Variants in WDR36 observed in about 807,000 individuals in gnomAD.
WDR36 encodes the protein WD repeat domain 36, also known as WD repeat-containing protein 36.
A neutral mutation model predicts 112.7 loss-of-function variants in WDR36; 63 were observed. That is an observed-to-expected ratio of 0.56 (90% CI 0.46 to 0.69). The LOEUF is 0.69. WDR36 is among the 30% of genes least tolerant of loss of function. The pLI, the probability that WDR36 is intolerant of heterozygous loss-of-function variation, is 0.00. For missense variants in WDR36, 1,226 were observed against 1,070.3 expected, an observed-to-expected ratio of 1.15 and a Z score of -2.03; for synonymous variants, 410 against 362.2, an observed-to-expected ratio of 1.13 and a Z score of -1.50.
At chr5:111,102,200 A>G in intron 5 of WDR36, 145 bp from the exon 6 acceptor site, 1 of 667,648 alleles carries the variant, frequency 1.5e-6, no homozygotes, top group Admixed American at 2.9e-5. Flanking sequence ...ACCTTGTGAC[A>G]TTAGCTTAAT....
In WDR36 at chr5:111,130,275, A is replaced by G. The variant is rs893290909; in HGVS notation, c.*3392A>G. The G allele has an allele frequency of 2.0e-5, 4 of 198,634 alleles. No homozygotes were observed. The highest frequency in any genetic ancestry group is 4.2e-5 in the Non-Finnish European group (4 of 95,774). The allele number at this position is 198,634 out of a possible 1,614,324, so 12.3% of individuals were successfully genotyped here. On this transcript the variant is annotated 3_prime_UTR_variant, in exon 23 of 23. Coordinates refer to ENST00000513710, the MANE Select transcript of WDR36 (RefSeq NM_139281.3). ...ATGCATATGAAAAGTCGGTCCTTGT[A>G]TTTGAGGGTTTTGCATCCCTCAAAT...
At chr5:111,120,077 G>A (rs1753532735) in intron 17 of WDR36, among the ~76,000 whole-genome samples, 1 of 150,990 alleles carries the variant, frequency 6.6e-6, no homozygotes, top group East Asian at 2.0e-4. Context: ...TACTTAGAGG[G>A]CCATTCTAGA....
At chr5:111,110,043 T>A in intron 12 of WDR36, 146 bp from the exon 13 acceptor site, 2 of 655,854 alleles carry the variant, frequency 3.0e-6, no homozygotes, top group South Asian at 3.4e-5. Context: ...TATAATTACT[T>A]TATGTTAAAA....
At chr5:111,126,016 G>T (rs867977562) in intron 22 of WDR36, among the ~76,000 whole-genome samples, 1 of 152,190 alleles carries the variant, frequency 6.6e-6, no homozygotes, top group East Asian at 1.9e-4. Context: ...TTAAATAACC[G>T]CATGTGGCTA....
At chr5:111,103,762 A>G (rs778250483) in intron 6 of WDR36, 24 bp from the exon 7 acceptor site, 4 of 1,609,900 alleles carry the variant, frequency 2.5e-6, no homozygotes, top group South Asian at 1.1e-5. Flanking sequence ...AAGAAAGTAA[A>G]AGTTTGAATA....
chr5:111,125,658 A>T lies in WDR36; in HGVS notation c.2401A>T (p.Thr801Ser). 6.2e-7 allele frequency: 1 copy of T among 1,613,874 alleles called. No homozygotes were observed. Residue 801 changes from threonine (T) to serine (S), a missense_variant, in exon 22 of 23, where the codon ACA (threonine) becomes TCA (serine). Coordinates refer to ENST00000513710, the MANE Select transcript of WDR36 (RefSeq NM_139281.3). The stretch of plus-strand genomic sequence containing the variant: ...AGAATCAGGCCCATCAGGAATTGAA[A>T]CAGAGCTGCGAAGCTTGTCTCCTGA... Reference protein sequence around the residue: ...LKESGPSGIETELRSLSPDCG... With the variant: ...LKESGPSGIESELRSLSPDCG...
rs1163607942 is a variant in WDR36 at position 111,125,710 on chromosome 5, A to G, written c.2453A>G (p.Gln818Arg). Residue 818 changes from glutamine to arginine, a missense_variant, in exon 22 of 23, where the codon CAG (glutamine) becomes CGG (arginine). Coordinates refer to ENST00000513710, the MANE Select transcript of WDR36 (RefSeq NM_139281.3). ...PDCGGSIEVM[Q>R]SFLKMIGMML... is the part of the protein sequence containing the mutation. ...TGTGGTGGGTCCATAGAAGTTATGCAGAGCTTCTTGAAAATGATTGGGATG... is the reference window on the plus strand; with the variant it reads ...TGTGGTGGGTCCATAGAAGTTATGCGGAGCTTCTTGAAAATGATTGGGATG... 1 of 1,613,988 alleles carries G rather than the reference A, an allele frequency of 6.2e-7. No homozygotes were observed. The highest frequency in any genetic ancestry group is 1.1e-5 in the South Asian group (1 of 91,086).
rs145768538 is a variant in WDR36, at chr5:111,129,519, A to T, written c.*2636A>T. ...TATGTTTATTTTAGAACATATAAAC[A>T]TTTGTTAATTTTCTTTTTCCTCTCA... On this transcript the variant is annotated 3_prime_UTR_variant, in exon 23 of 23. Transcript: ENST00000513710. 3.0e-3 allele frequency: 598 copies of T among 196,906 alleles called. 2 individuals carry two copies. Among genetic ancestry groups the T allele is most frequent in the African/African-American group, 0.013 (558 of 43,488 alleles). The allele number at this position is 196,906 out of a possible 1,614,324, so 12.2% of individuals were successfully genotyped here.
intron 1 of WDR36, among the ~76,000 whole-genome samples, chr5:111,093,398 G>A (rs1233594961): frequency 6.6e-6 from 1 of 152,196 alleles, no homozygotes; most frequent in East Asian, 1.9e-4. Context: ...TGGAAAACAG[G>A]TAGAGTTGTC....
chr5:111,121,789 T>C (rs1047264102), intron 19 of WDR36, among the ~76,000 whole-genome samples: 2 of 152,154 alleles, frequency 1.3e-5, no homozygotes, highest in African/African-American at 2.4e-5. Context: ...CACTAGTGAG[T>C]AGCAAAAACT....
At chr5:111,113,247 T>C in intron 16 of WDR36, 94 bp downstream of exon 16, 1 of 680,640 alleles carries the variant, frequency 1.5e-6, no homozygotes, top group Non-Finnish European at 2.5e-6. Context: ...GGTTATATGC[T>C]TTTTCAATGT....
Position 111,098,087 on chromosome 5 carries a change from C to G in WDR36, c.292-635C>G, listed in dbSNP as rs185520775. Among the ~76,000 whole-genome samples the G allele has an allele frequency of 2.4e-4, 37 of 152,108 alleles. 1 individual carries two copies. In the East Asian group the frequency reaches 6.6e-3, roughly 27 times the overall value. Reference sequence around the variant, plus strand: ...AAGGACCTTTATGCACAGGTGTGGTCAGGGTTAGGGGAACAAAATAGGGGT... The same window carrying G: ...AAGGACCTTTATGCACAGGTGTGGTGAGGGTTAGGGGAACAAAATAGGGGT... On this transcript the variant is annotated intron_variant, in intron 3 of 22. Coordinates refer to ENST00000513710, the MANE Select transcript of WDR36 (RefSeq NM_139281.3).
At position 111,120,480 on chromosome 5, in the gene WDR36, T is replaced by C. The variant is rs761273444; in HGVS notation, c.1905-16T>C. The C allele has an allele frequency of 2.2e-5, 35 of 1,587,770 alleles. No homozygotes were observed. In the East Asian group the frequency reaches 7.6e-4, roughly 35 times the overall value. On this transcript the variant is annotated splice_polypyrimidine_tract_variant and intron_variant, in intron 17 of 22. Coordinates refer to ENST00000513710, the MANE Select transcript of WDR36 (RefSeq NM_139281.3). ...TTTATAATTTTTAAAATATTGCTTA[T>C]GTTTTGATTTTTCAGGTCCAATATT... is the stretch of plus-strand genomic sequence containing the variant.
rs757191474 is a variant in WDR36 at position 111,123,932 on chromosome 5, AC to A, written c.2268+9del. 6.8e-5 allele frequency: 110 copies of A among 1,613,316 alleles called. No individual in the cohort carries two copies. The highest frequency in any genetic ancestry group is 9.2e-5 in the Non-Finnish European group (108 of 1,179,894). On this transcript the variant is annotated intron_variant, in intron 20 of 22. Transcript: ENST00000513710. ...AATAATGATCCCCAGCAGGTAAAAAACAAATTAGAAGATTCTAAGTATATCG... is the reference window on the plus strand; with the variant it reads ...AATAATGATCCCCAGCAGGTAAAAAAAAATTAGAAGATTCTAAGTATATCG...
chr5:111,113,162 A>C lies in WDR36; in HGVS notation c.1796+9A>C. Reference sequence around the variant, plus strand: ...GACCTTCCTTCTGGGTGGTAAGTTTATATTTCTAATTCCCTAACCTCTATA... The same window carrying C: ...GACCTTCCTTCTGGGTGGTAAGTTTCTATTTCTAATTCCCTAACCTCTATA... On this transcript the variant is annotated intron_variant, in intron 16 of 22. Coordinates refer to ENST00000513710, the MANE Select transcript of WDR36 (RefSeq NM_139281.3). 1 of 1,528,600 alleles carries C rather than the reference A, an allele frequency of 6.5e-7. No homozygotes were observed. The highest frequency in any genetic ancestry group is 1.1e-5 in the South Asian group (1 of 89,296). The allele number at this position is 1,528,600 out of a possible 1,614,324, so 94.7% of individuals were successfully genotyped here.
Position 111,120,487 on chromosome 5 carries a change from A to G in WDR36, c.1905-9A>G, listed in dbSNP as rs1753542644. 2 of 1,605,314 alleles carry G rather than the reference A, an allele frequency of 1.2e-6. No individual in the cohort carries two copies. Among genetic ancestry groups the G allele is most frequent in the African/African-American group, 2.7e-5 (2 of 74,778 alleles). ...TTTTTAAAATATTGCTTATGTTTTG[A>G]TTTTTCAGGTCCAATATTTCCCTGT... On this transcript the variant is annotated splice_polypyrimidine_tract_variant and intron_variant, in intron 17 of 22. Transcript: ENST00000513710.
In WDR36 at chr5:111,119,138, G is replaced by T; in HGVS notation, c.1904+18G>T. 6.3e-7 allele frequency: 1 copy of T among 1,575,442 alleles called. No homozygotes were observed. The highest frequency in any genetic ancestry group is 8.7e-7 in the Non-Finnish European group (1 of 1,145,122). On this transcript the variant is annotated intron_variant, in intron 17 of 22. Coordinates refer to ENST00000513710, the MANE Select transcript of WDR36 (RefSeq NM_139281.3). Reference sequence around the variant, plus strand: ...TATCTATGGTAAGTTCTTTCATACAGTTCTGTTTTGGGATGAAGAAGATTG... The same window carrying T: ...TATCTATGGTAAGTTCTTTCATACATTTCTGTTTTGGGATGAAGAAGATTG...
intron 11 of WDR36, 114 bp from the exon 12 acceptor site, chr5:111,107,171 TCAGATATTA>T: frequency 9.2e-7 from 1 of 1,081,548 alleles, no homozygotes; most frequent in Non-Finnish European, 1.3e-6. Context: ...CATATTGCTA[TCAGATATTA>T]CCTGTTTGTT....
Position 111,107,446 on chromosome 5 carries a change from G to A in WDR36, c.1326+7G>A, listed in dbSNP as rs573206586. 2 of 1,609,110 alleles carry A rather than the reference G, an allele frequency of 1.2e-6. No individual in the cohort carries two copies. Among genetic ancestry groups the A allele is most frequent in the East Asian group, 4.5e-5 (2 of 44,716 alleles). On this transcript the variant is annotated splice_region_variant and intron_variant, in intron 12 of 22. Coordinates refer to ENST00000513710, the MANE Select transcript of WDR36 (RefSeq NM_139281.3). ...AGATGACATAACTGCAACAGTAAGT[G>A]AGCTTGTTTATAAGAGTATCTTCTC...
Sources: allele counts gnomAD v4.1 joint callset (sites outside exome capture counted in the v4.1 genomes callset), GRCh38; gene constraint gnomAD v4.1.1; transcripts MANE v1.5; gene names NCBI Gene and HGNC (gene_info 2026-07-23, HGNC 2026-07-21).